Variants in C1orf105 observed in about 807,000 individuals in gnomAD.
C1orf105 encodes the protein chromosome 1 open reading frame 105.
In C1orf105, 17 loss-of-function variants were observed where a neutral mutation model predicts 20.8. That is an observed-to-expected ratio of 0.82 (90% CI 0.56 to 1.23). The LOEUF is 1.23. Ranked by LOEUF, C1orf105 falls within the 50% of genes most tolerant of loss-of-function variation. The probability of loss-of-function intolerance (pLI) is 0.00; values close to 1 mark genes in which losing one functional copy is unlikely to be tolerated. For synonymous variants in C1orf105, 72 were observed against 72.1 expected (o/e 1.00, Z 0.01); for missense variants, 219 against 213.5 (o/e 1.03, Z -0.16).
At chr1:172,433,200 A>G (rs1203028341) in intron 1 of C1orf105, among the ~76,000 whole-genome samples, 1 of 151,916 alleles carries the variant, frequency 6.6e-6, no homozygotes, top group Non-Finnish European at 1.5e-5. Flanking sequence ...TCTTCAGGAT[A>G]TTATCCAGCC....
chr1:172,454,837 G>A (rs191146612), intron 3 of C1orf105, among the ~76,000 whole-genome samples: 1 of 152,256 alleles, frequency 6.6e-6, no homozygotes, highest in Admixed American at 6.5e-5. Flanking sequence ...ACTTCTTGAT[G>A]TATAGGCTAC....
At chr1:172,424,550 C>A (rs2071676081) in intron 1 of C1orf105, among the ~76,000 whole-genome samples, 1 of 152,092 alleles carries the variant, frequency 6.6e-6, no homozygotes, top group African/African-American at 2.4e-5. Flanking sequence ...GCCACCACAC[C>A]CGGCTAATTT....
chr1:172,464,834 G>T (rs1379400848), intron 5 of C1orf105, among the ~76,000 whole-genome samples: 1 of 152,170 alleles, frequency 6.6e-6, no homozygotes, highest in Non-Finnish European at 1.5e-5. Context: ...TTGCTAGAAA[G>T]TGGCCTTATC....
At chr1:172,440,869 A>C (rs1243415460) in intron 1 of C1orf105, among the ~76,000 whole-genome samples, 1 of 152,252 alleles carries the variant, frequency 6.6e-6, no homozygotes, top group African/African-American at 2.4e-5. Flanking sequence ...AGCTAGGCAC[A>C]AACTGTGAAT....
intron 1 of C1orf105, chr1:172,442,101 G>A (rs1265107347): frequency 7.4e-6 from 12 of 1,614,186 alleles, no homozygotes; most frequent in Non-Finnish European, 9.3e-6. Flanking sequence ...ATAGTGTGCT[G>A]GATACAATGG....
rs1176970313 is a variant in C1orf105, at chr1:172,420,705, G to T, written c.-181G>T. The T allele has an allele frequency of 1.1e-5, 7 of 619,032 alleles. No homozygotes were observed. Among genetic ancestry groups the T allele is most frequent in the Non-Finnish European group, 2.9e-6 (1 of 341,382 alleles). 38.3% of individuals were successfully genotyped at this position (619,032 alleles called of 1,614,324 possible). ...GATTCAAGATGTAAATCACACAGAT[G>T]TTGGTAGAGAAAAAGGCATACTGGT... On this transcript the variant is annotated 5_prime_UTR_variant, in exon 1 of 7. It removes an upstream start codon present in the reference 5' UTR. Transcript: ENST00000367727.
At chr1:172,459,404 A>G (rs1218847139) in intron 4 of C1orf105, among the ~76,000 whole-genome samples, 1 of 152,188 alleles carries the variant, frequency 6.6e-6, no homozygotes, top group East Asian at 1.9e-4. Flanking sequence ...CATTCTCTAA[A>G]GAAGATCTAC....
At chr1:172,430,284 T>C (rs527344034) in intron 1 of C1orf105, 1 of 701,610 alleles carries the variant, frequency 1.4e-6, no homozygotes, top group South Asian at 1.5e-5. Flanking sequence ...ATACCAATTG[T>C]TTTCTAGGCC....
At chr1:172,426,135 A>G (rs1338379601) in intron 1 of C1orf105, among the ~76,000 whole-genome samples, 1 of 152,038 alleles carries the variant, frequency 6.6e-6, no homozygotes, top group East Asian at 1.9e-4. Flanking sequence ...TCTTCAACCT[A>G]TTCTCTGGAT....
chr1:172,456,801 T>C (rs974978088), intron 4 of C1orf105, among the ~76,000 whole-genome samples: 1 of 152,120 alleles, frequency 6.6e-6, no homozygotes, highest in Non-Finnish European at 1.5e-5. Context: ...GAGCTCCTTC[T>C]CCCTCCTTAA....
chr1:172,448,633 C>T, intron 3 of C1orf105, 102 bp downstream of exon 3: 1 of 686,738 alleles, frequency 1.5e-6, no homozygotes, highest in South Asian at 1.7e-5. Flanking sequence ...GTGCTTGGTA[C>T]ACCATCAATG....
chr1:172,441,504 A>ATAT (rs1455493622), intron 1 of C1orf105: 100 of 408,948 alleles, frequency 2.4e-4, no homozygotes, highest in Middle Eastern at 1.9e-3. Context: ...CATATGTTAC[A>ATAT]GCATGTAATT....
rs56178710 is a variant in C1orf105 at position 172,434,268 on chromosome 1, A to G, written c.22-10805A>G. 4.1e-3 allele frequency among the ~76,000 whole-genome samples: 625 copies of G among 152,342 alleles called. 3 individuals carry two copies. Among genetic ancestry groups the G allele is most frequent in the Middle Eastern group, 0.02 (6 of 294 alleles). On this transcript the variant is annotated intron_variant, in intron 1 of 6. Coordinates refer to ENST00000367727, the MANE Select transcript of C1orf105 (RefSeq NM_139240.4). ...CCAAGCAAACCTAATAGACATCTAC[A>G]AAACTCTCCACCCCACATCAACAAA...
intron 1 of C1orf105, among the ~76,000 whole-genome samples, chr1:172,440,874 G>A (rs141362061): frequency 6.6e-6 from 1 of 152,340 alleles, no homozygotes; most frequent in Non-Finnish European, 1.5e-5. Context: ...GGCACAAACT[G>A]TGAATAGATG....
rs961279014 is a variant in C1orf105 at position 172,420,973 on chromosome 1, G to A, written c.21+67G>A. ...GGGTTACCCTGGTAAATGTTTGTAT[G>A]CCTTGGAGGCCACATAAACATTGAG... On this transcript the variant is annotated intron_variant, in intron 1 of 6. Coordinates refer to ENST00000367727, the MANE Select transcript of C1orf105 (RefSeq NM_139240.4). 18 of 1,408,404 alleles carry A rather than the reference G, an allele frequency of 1.3e-5. 1 individual carries two copies. The highest frequency in any genetic ancestry group is 1.8e-5 in the Non-Finnish European group (18 of 1,010,606). 87.2% of individuals were successfully genotyped at this position (1,408,404 alleles called of 1,614,324 possible). A position where few individuals can be genotyped will look rare whatever the true frequency, so the allele number is the denominator to read the frequency against.
chr1:172,427,511 A>G, intron 1 of C1orf105, among the ~76,000 whole-genome samples: 1 of 152,182 alleles, frequency 6.6e-6, no homozygotes, highest in East Asian at 1.9e-4. Context: ...AAAGCTGTCT[A>G]TACTTGCTGC....
intron 1 of C1orf105, among the ~76,000 whole-genome samples, chr1:172,431,838 A>C (rs2071883430): frequency 6.6e-6 from 1 of 152,246 alleles, no homozygotes; most frequent in Non-Finnish European, 1.5e-5. Context: ...TTCCTAGCCA[A>C]GGGAAGCCGT....
intron 1 of C1orf105, among the ~76,000 whole-genome samples, chr1:172,421,350 T>G (rs960966198): frequency 1.3e-5 from 2 of 152,180 alleles, no homozygotes; most frequent in Non-Finnish European, 2.9e-5. Flanking sequence ...TAGACTTTTA[T>G]AATTACTAGG....
intron 2 of C1orf105, among the ~76,000 whole-genome samples, chr1:172,445,858 A>G (rs1369601468): frequency 3.9e-5 from 6 of 152,222 alleles, no homozygotes; most frequent in African/African-American, 4.8e-5. Context: ...GGGCAGGCAT[A>G]GAGGCCATTC....
Sources: allele counts gnomAD v4.1 joint callset (sites outside exome capture counted in the v4.1 genomes callset), GRCh38; gene constraint gnomAD v4.1.1; transcripts MANE v1.5; gene names NCBI Gene and HGNC (gene_info 2026-07-23, HGNC 2026-07-21).